Variants in ZBTB20 observed in about 807,000 individuals in gnomAD.
The protein encoded by ZBTB20 is zinc finger and BTB domain-containing protein 20.
Under a neutral mutation model 56.9 loss-of-function variants are expected in ZBTB20, and 9 were observed. The observed-to-expected ratio is 0.16, with a 90% CI of 0.10 to 0.28. The LOEUF (loss-of-function observed/expected upper bound fraction) is 0.28, where lower values mean the gene tolerates loss of function less well. Among genes scored for constraint, ZBTB20 ranks in the 10% least tolerant of loss-of-function variants. The pLI, the probability that ZBTB20 is intolerant of heterozygous loss-of-function variation, is 1.00. For missense variants in ZBTB20, 655 were observed against 1,003.0 expected, an observed-to-expected ratio of 0.65 and a Z score of 4.69; for synonymous variants, 417 against 420.7, an observed-to-expected ratio of 0.99 and a Z score of 0.11.
At chr3:114,673,852 T>TTTCTACCTAAAAAGCATTGACATTA (rs1461801194) in intron 6 of ZBTB20, among the ~76,000 whole-genome samples, 1 of 152,184 alleles carries the variant, frequency 6.6e-6, no homozygotes, top group Non-Finnish European at 1.5e-5. Flanking sequence ...GGTAATGATT[T>TTTCTACCTAAAAAGCATTGACATTA]TTCTACCTAA....
At chr3:114,703,972 T>G (rs1196202026) in intron 5 of ZBTB20, among the ~76,000 whole-genome samples, 1 of 152,238 alleles carries the variant, frequency 6.6e-6, no homozygotes, top group East Asian at 1.9e-4. Flanking sequence ...TCTTTTCTTA[T>G]TTATTTTTTG....
At chr3:114,959,159 C>G (rs1356034067) in intron 3 of ZBTB20, among the ~76,000 whole-genome samples, 1 of 152,136 alleles carries the variant, frequency 6.6e-6, no homozygotes, top group South Asian at 2.1e-4. Flanking sequence ...GAACAGCTAA[C>G]CTCAAACACA....
chr3:114,499,027 T>C (rs544283101), intron 7 of ZBTB20, among the ~76,000 whole-genome samples: 1 of 152,284 alleles, frequency 6.6e-6, no homozygotes, highest in South Asian at 2.1e-4. Context: ...GTAACAAAAA[T>C]GATTTGCCAG....
intron 3 of ZBTB20, among the ~76,000 whole-genome samples, chr3:114,911,684 A>C (rs981993611): frequency 6.6e-6 from 1 of 152,118 alleles, no homozygotes; most frequent in South Asian, 2.1e-4. Context: ...GAATTGATGA[A>C]CATGATGACA....
At chr3:115,118,435 A>G (rs924629583) in intron 1 of ZBTB20, among the ~76,000 whole-genome samples, 2 of 152,158 alleles carry the variant, frequency 1.3e-5, no homozygotes, top group Non-Finnish European at 2.9e-5. Flanking sequence ...ATAAGTTATA[A>G]AATTTCTTCA....
intron 4 of ZBTB20, among the ~76,000 whole-genome samples, chr3:114,889,746 G>C (rs1014240470): frequency 1.4e-4 from 21 of 152,026 alleles, no homozygotes; most frequent in Non-Finnish European, 2.9e-5. Context: ...GCCATGACTA[G>C]GTTATAGGGT....
At chr3:114,955,291 A>C (rs1399079105) in intron 3 of ZBTB20, among the ~76,000 whole-genome samples, 1 of 152,230 alleles carries the variant, frequency 6.6e-6, no homozygotes, top group Non-Finnish European at 1.5e-5. Flanking sequence ...GCTAAAAGTC[A>C]GATATATCTA....
chr3:114,316,292 T>C lies in ZBTB20; in HGVS notation c.*22713A>G, dbSNP rs575757180. 2.8e-6 allele frequency: 1 copy of C among 357,294 alleles called. No individual in the cohort carries two copies. The allele number at this position is 357,294 out of a possible 1,614,324, so 22.1% of individuals were successfully genotyped here. A position where few individuals can be genotyped will look rare whatever the true frequency, so the allele number is the denominator to read the frequency against. On this transcript the variant is annotated 3_prime_UTR_variant, in exon 12 of 12. Transcript: ENST00000675478. Reference sequence around the variant, plus strand: ...CCTTTTTTTCCTTGTTACAATCCATTCTTTATGAACATACAGAAATGACCA... The same window carrying C: ...CCTTTTTTTCCTTGTTACAATCCATCCTTTATGAACATACAGAAATGACCA...
At chr3:114,378,070 A>G (rs981294992) in intron 10 of ZBTB20, among the ~76,000 whole-genome samples, 1 of 152,120 alleles carries the variant, frequency 6.6e-6, no homozygotes, top group Non-Finnish European at 1.5e-5. Flanking sequence ...TTTTAAATTA[A>G]TCTATGGTAA....
chr3:114,984,968 A>T (rs1040097226), intron 2 of ZBTB20, among the ~76,000 whole-genome samples: 4 of 152,020 alleles, frequency 2.6e-5, no homozygotes, highest in Non-Finnish European at 5.9e-5. Context: ...AGATCATTTC[A>T]TGATGGCTTC....
At chr3:114,508,525 G>A (rs1046588024) in intron 6 of ZBTB20, among the ~76,000 whole-genome samples, 2 of 152,136 alleles carry the variant, frequency 1.3e-5, no homozygotes, top group African/African-American at 4.8e-5. Flanking sequence ...ATCAACAGGC[G>A]AAGGCATCAG....
At chr3:114,771,976 T>C (rs989124377) in intron 5 of ZBTB20, among the ~76,000 whole-genome samples, 11 of 152,220 alleles carry the variant, frequency 7.2e-5, no homozygotes, top group Admixed American at 5.2e-4. Context: ...TCTTGCATCC[T>C]GCTCTCAATA....
chr3:114,669,346 T>C (rs1248932599), intron 6 of ZBTB20, among the ~76,000 whole-genome samples: 1 of 152,038 alleles, frequency 6.6e-6, no homozygotes, highest in Non-Finnish European at 1.5e-5. Flanking sequence ...GCCTATGGGA[T>C]AGTCTAACAG....
chr3:114,917,645 T>A (rs560491544), intron 3 of ZBTB20, among the ~76,000 whole-genome samples: 46 of 152,274 alleles, frequency 3.0e-4, no homozygotes, highest in African/African-American at 1.1e-3. Flanking sequence ...ATATTGGTGG[T>A]CTTGTACAAG....
chr3:114,501,918 G>C (rs550048188), intron 6 of ZBTB20, among the ~76,000 whole-genome samples: 2 of 151,892 alleles, frequency 1.3e-5, no homozygotes, highest in South Asian at 4.2e-4. Flanking sequence ...ATATTGGCCA[G>C]GCTGGTCTCA....
intron 4 of ZBTB20, among the ~76,000 whole-genome samples, chr3:114,823,678 T>C (rs1021261474): frequency 1.3e-5 from 2 of 152,086 alleles, no homozygotes; most frequent in Non-Finnish European, 2.9e-5. Flanking sequence ...ATGCCTGCAG[T>C]GCAGTTGTTG....
At chr3:115,063,679 ACACAAAC>A (rs2082098191) in intron 2 of ZBTB20, among the ~76,000 whole-genome samples, 8 of 151,482 alleles carry the variant, frequency 5.3e-5, no homozygotes, top group African/African-American at 1.9e-4. Flanking sequence ...ACACACACAC[ACACAAAC>A]ACACACACAC....
intron 5 of ZBTB20, among the ~76,000 whole-genome samples, chr3:114,733,277 T>C (rs2065890467): frequency 6.6e-6 from 1 of 152,160 alleles, no homozygotes; most frequent in Admixed American, 6.5e-5. Context: ...AGGCTTGACT[T>C]TCATAACAGG....
chr3:114,391,125 T>C (rs2085836577), intron 7 of ZBTB20, among the ~76,000 whole-genome samples: 1 of 152,210 alleles, frequency 6.6e-6, no homozygotes, highest in Non-Finnish European at 1.5e-5. Context: ...AGGACATCTA[T>C]GAAAAGCTCC....
Sources: allele counts gnomAD v4.1 joint callset (sites outside exome capture counted in the v4.1 genomes callset), GRCh38; gene constraint gnomAD v4.1.1; transcripts MANE v1.5; gene names NCBI Gene and HGNC (gene_info 2026-07-23, HGNC 2026-07-21).